TRDN: variants seen among roughly 807,000 people sequenced by gnomAD.
TRDN encodes triadin.
In TRDN, 161 loss-of-function variants were observed where a neutral mutation model predicts 149.7. The observed-to-expected ratio is 1.08, with a 90% CI of 0.95 to 1.23. The LOEUF is 1.23. Ranked by LOEUF, TRDN falls within the 50% of genes most tolerant of loss-of-function variation. The pLI is 0.00. For missense variants in TRDN, 896 were observed against 823.5 expected (o/e 1.09, Z -1.08); for synonymous variants, 294 against 250.5 (o/e 1.17, Z -1.64).
At chr6:123,501,547 T>G (rs1054580921) in intron 8 of TRDN, among the ~76,000 whole-genome samples, 6 of 152,070 alleles carry the variant, frequency 3.9e-5, no homozygotes, top group African/African-American at 1.4e-4. Flanking sequence ...AAAATGCTCT[T>G]AATTAAATCT....
chr6:123,472,437 A>C (rs1168239726), intron 9 of TRDN, among the ~76,000 whole-genome samples: 20 of 152,218 alleles, frequency 1.3e-4, no homozygotes, highest in Non-Finnish European at 2.8e-4. Flanking sequence ...TCCTACGCCC[A>C]CGGAATCTCG....
intron 33 of TRDN, 41 bp downstream of exon 33, chr6:123,265,277 T>C: frequency 7.3e-7 from 1 of 1,369,102 alleles, no homozygotes; most frequent in Non-Finnish European, 9.8e-7. Flanking sequence ...ATTAAAACAA[T>C]GAAATAGGAC....
At position 123,216,646 on chromosome 6, in the gene TRDN, A is replaced by T. The variant is rs950262900; in HGVS notation, c.*1955T>A. The T allele has an allele frequency of 1.3e-5, 2 of 151,872 alleles. No homozygotes were observed. Among genetic ancestry groups the T allele is most frequent in the Non-Finnish European group, 2.9e-5 (2 of 67,926 alleles). The allele number at this position is 151,872 out of a possible 1,614,324, so 9.4% of individuals were successfully genotyped here. A position where few individuals can be genotyped will look rare whatever the true frequency, so the allele number is the denominator to read the frequency against. ...TATCATATTTATATTAAAATATTTT[A>T]TTTGTCTCCATGGTATTTCTATGAG... On this transcript the variant is annotated 3_prime_UTR_variant, in exon 41 of 41. Transcript: ENST00000334268.
chr6:123,628,498 C>T (rs537983305), intron 1 of TRDN, among the ~76,000 whole-genome samples: 40 of 151,962 alleles, frequency 2.6e-4, no homozygotes, highest in South Asian at 1.5e-3. Context: ...ATACCAATAA[C>T]GAAAACATTT....
chr6:123,599,558 A>AT (rs995405272), intron 1 of TRDN, among the ~76,000 whole-genome samples: 3 of 151,936 alleles, frequency 2.0e-5, no homozygotes, highest in Non-Finnish European at 4.4e-5. Flanking sequence ...CATTATTGCC[A>AT]TTTTTTTGTT....
chr6:123,327,617 T>C (rs1779506607), intron 23 of TRDN, among the ~76,000 whole-genome samples: 1 of 152,130 alleles, frequency 6.6e-6, no homozygotes, highest in Non-Finnish European at 1.5e-5. Flanking sequence ...CCTGAACGAA[T>C]AAATTTTTGA....
chr6:123,530,431 T>C (rs1333053014), intron 5 of TRDN, 75 bp downstream of exon 5: 2 of 900,752 alleles, frequency 2.2e-6, no homozygotes, highest in Non-Finnish European at 3.0e-6. Context: ...ACACTAAACA[T>C]GAAATTTTTT....
chr6:123,233,613 G>A (rs998823596), intron 38 of TRDN, among the ~76,000 whole-genome samples: 2 of 152,000 alleles, frequency 1.3e-5, no homozygotes, highest in Admixed American at 6.6e-5. Context: ...CACCAAATGC[G>A]CCTTATACAC....
At chr6:123,326,828 C>T (rs984290236) in intron 23 of TRDN, among the ~76,000 whole-genome samples, 4 of 151,986 alleles carry the variant, frequency 2.6e-5, no homozygotes, top group African/African-American at 9.7e-5. Flanking sequence ...TTTTAAATTT[C>T]AAGTGCTTGC....
At chr6:123,441,415 G>C (rs1774880117) in intron 10 of TRDN, among the ~76,000 whole-genome samples, 1 of 152,090 alleles carries the variant, frequency 6.6e-6, no homozygotes, top group South Asian at 2.1e-4. Flanking sequence ...GCCCATTGAT[G>C]TTCAGAAGAT....
intron 1 of TRDN, among the ~76,000 whole-genome samples, chr6:123,628,700 C>T (rs1279947195): frequency 6.6e-6 from 1 of 152,048 alleles, no homozygotes. Context: ...ATAATCTGTC[C>T]AGTCTTTATT....
At position 123,458,383 on chromosome 6, in the gene TRDN, G is replaced by A. The variant is rs181135975; in HGVS notation, c.931+6523C>T. On this transcript the variant is annotated intron_variant, in intron 10 of 40. Coordinates refer to ENST00000334268, the MANE Select transcript of TRDN (RefSeq NM_006073.4). ...ATTTAAATCATAGACTTTGAATAAA[G>A]CAGATTACCCTCTGTAATGTGGGAT... Among the ~76,000 whole-genome samples the A allele has an allele frequency of 2.0e-3, 309 of 152,304 alleles. 2 individuals are homozygous for A. The highest frequency in any genetic ancestry group is 1.5e-3 in the Non-Finnish European group (105 of 68,020).
rs76118453 is a variant in TRDN, at chr6:123,308,340, T to G, written c.1510+8117A>C. ...TGAACATATGAGTGCACGTGTGTGT[T>G]TTTTTTTTTTTTTGGTAGAAAGCTT... is the stretch of plus-strand genomic sequence containing the variant. On this transcript the variant is annotated intron_variant, in intron 24 of 40. Transcript: ENST00000334268. Among the ~76,000 whole-genome samples the G allele has an allele frequency of 0.018, 71 of 3,956 alleles. 2 individuals carry two copies. In the East Asian group the frequency reaches 0.29, roughly 16 times the overall value. The allele number at this position is 3,956 out of a possible 152,430, so 2.6% of individuals were successfully genotyped here.
At position 123,352,619 on chromosome 6, in the gene TRDN, T is replaced by C. The variant is rs889775162; in HGVS notation, c.1322-33A>G. ...ACAAAGATAAGGTTTAAAGAAGAGT[T>C]CCAGACAGAAATACTGCTTCTGCTC... On this transcript the variant is annotated intron_variant, in intron 20 of 40. Transcript: ENST00000334268. 3 of 1,593,830 alleles carry C rather than the reference T, an allele frequency of 1.9e-6. No individual in the cohort carries two copies. The African/African-American group carries it at 4.1e-5, about 22-fold the overall frequency.
At chr6:123,411,296 C>T (rs748812617) in intron 12 of TRDN, among the ~76,000 whole-genome samples, 10 of 151,996 alleles carry the variant, frequency 6.6e-5, no homozygotes, top group Non-Finnish European at 1.5e-4. Flanking sequence ...CCGCCTGCCT[C>T]GGCTTCCCAA....
intron 18 of TRDN, among the ~76,000 whole-genome samples, chr6:123,377,455 C>T (rs1781551425): frequency 6.6e-6 from 1 of 152,066 alleles, no homozygotes; most frequent in African/African-American, 2.4e-5. Flanking sequence ...GCCAAAAATC[C>T]TTCATTTCTA....
At chr6:123,424,460 T>C (rs920146162) in intron 12 of TRDN, among the ~76,000 whole-genome samples, 8 of 152,110 alleles carry the variant, frequency 5.3e-5, no homozygotes, top group African/African-American at 1.9e-4. Context: ...AAACAACTCA[T>C]GCATCAATTA....
At chr6:123,562,714 C>G (rs183316718) in intron 2 of TRDN, among the ~76,000 whole-genome samples, 367 of 152,262 alleles carry the variant, frequency 2.4e-3, no homozygotes, top group Admixed American at 3.9e-3. Flanking sequence ...ACATTGGATT[C>G]TAAAAGATAA....
chr6:123,437,964 A>C, intron 12 of TRDN, 99 bp downstream of exon 12: 1 of 1,045,810 alleles, frequency 9.6e-7, no homozygotes, highest in Non-Finnish European at 1.4e-6. Flanking sequence ...GGGTAGATAT[A>C]AGTAACTGTG....
Sources: gnomAD v4.1 joint callset for allele counts (sites outside exome capture counted in the v4.1 genomes callset) on GRCh38, gnomAD v4.1.1 for gene constraint, MANE v1.5 for transcripts, NCBI Gene and HGNC (gene_info 2026-07-23, HGNC 2026-07-21) for gene names.